AGBL4: variants seen among roughly 807,000 people sequenced by gnomAD.
AGBL4 encodes AGBL carboxypeptidase 4.
A neutral mutation model predicts 66.4 loss-of-function variants in AGBL4; 58 were observed. The observed-to-expected ratio is 0.87, with a 90% CI of 0.71 to 1.09. The LOEUF (loss-of-function observed/expected upper bound fraction) is 1.09. AGBL4 is among the 50% of genes least tolerant of loss of function. The pLI is 0.00. For missense variants in AGBL4, 579 were observed against 631.0 expected, an observed-to-expected ratio of 0.92 and a Z score of 0.88; for synonymous variants, 234 against 222.9, an observed-to-expected ratio of 1.05 and a Z score of -0.44.
At chr1:48,757,633 C>T (rs1644010258) in intron 6 of AGBL4, among the ~76,000 whole-genome samples, 1 of 152,144 alleles carries the variant, frequency 6.6e-6, no homozygotes, top group African/African-American at 2.4e-5. Flanking sequence ...CTTCTTGGAC[C>T]ACCCAAAGAT....
At chr1:49,016,014 C>T (rs1308685186) in intron 5 of AGBL4, among the ~76,000 whole-genome samples, 1 of 152,104 alleles carries the variant, frequency 6.6e-6, no homozygotes, top group Non-Finnish European at 1.5e-5. Context: ...ATATAGACAC[C>T]ACCACCCACT....
intron 1 of AGBL4, among the ~76,000 whole-genome samples, chr1:49,953,344 G>C (rs183217596): frequency 2.0e-5 from 3 of 151,864 alleles, no homozygotes. Flanking sequence ...ATCTGGTTAG[G>C]TACACTTCTT....
At chr1:48,603,975 A>AC (rs1357658741) in intron 9 of AGBL4, among the ~76,000 whole-genome samples, 1 of 151,952 alleles carries the variant, frequency 6.6e-6, no homozygotes, top group Non-Finnish European at 1.5e-5. Flanking sequence ...AACAACAACA[A>AC]AAACCAAAAA....
rs184462760 is a variant in AGBL4, at chr1:49,090,747, C to T, written c.378-44947G>A. On this transcript the variant is annotated intron_variant, in intron 4 of 13. Transcript: ENST00000371839. ...ATTAGAAAAAAACTATTTTAAAATT[C>T]ATGTAGAGTCAAAAAAGAGCTCAAA... is the stretch of plus-strand genomic sequence containing the variant. Among the ~76,000 whole-genome samples the T allele has an allele frequency of 1.2e-4, 18 of 152,184 alleles. No individual in the cohort carries two copies. In the East Asian group the frequency reaches 2.7e-3, roughly 23 times the overall value.
rs192996975 is a variant in AGBL4 at position 48,982,935 on chromosome 1, C to A, written c.594+62649G>T. Among the ~76,000 whole-genome samples, 441 of 152,228 alleles carry A rather than the reference C, an allele frequency of 2.9e-3. 2 individuals are homozygous for A. Among genetic ancestry groups the A allele is most frequent in the African/African-American group, 0.01 (418 of 41,550 alleles). The stretch of plus-strand genomic sequence containing the variant: ...GGTATCTCATTGTGGTTTTGATTTG[C>A]ATTTCTCTGATGGTGCCAACTAAGG... On this transcript the variant is annotated intron_variant, in intron 5 of 13. Transcript: ENST00000371839.
chr1:49,948,225 T>A (rs1489762614), intron 1 of AGBL4, among the ~76,000 whole-genome samples: 6 of 100,038 alleles, frequency 6.0e-5, no homozygotes, highest in Non-Finnish European at 8.6e-5. Flanking sequence ...TATATATAAA[T>A]ATATATAAAT....
chr1:48,729,088 G>A (rs1647675923), intron 6 of AGBL4, among the ~76,000 whole-genome samples: 1 of 152,078 alleles, frequency 6.6e-6, no homozygotes, highest in South Asian at 2.1e-4. Context: ...TCATAAATAA[G>A]GATAACAAAC....
intron 3 of AGBL4, among the ~76,000 whole-genome samples, chr1:49,383,460 T>C (rs1301795741): frequency 1.3e-5 from 2 of 151,900 alleles, no homozygotes; most frequent in African/African-American, 4.8e-5. Context: ...TTTAGAAAAA[T>C]GGGACAGGAT....
intron 6 of AGBL4, among the ~76,000 whole-genome samples, chr1:48,724,509 T>C (rs1437184323): frequency 2.0e-5 from 3 of 152,144 alleles, no homozygotes; most frequent in South Asian, 2.1e-4. Flanking sequence ...TTAGAATTGA[T>C]AGTTATGAAT....
chr1:49,883,514 C>A (rs1031935468), intron 1 of AGBL4, among the ~76,000 whole-genome samples: 1 of 152,054 alleles, frequency 6.6e-6, no homozygotes, highest in Admixed American at 6.6e-5. Flanking sequence ...AGAGTCTAAT[C>A]TCTTTTTATC....
At chr1:49,325,844 C>A (rs144650345) in intron 3 of AGBL4, among the ~76,000 whole-genome samples, 267 of 152,212 alleles carry the variant, frequency 1.8e-3, no homozygotes, top group Admixed American at 3.6e-3. Context: ...CTCATTAGAT[C>A]CGATCATTTA....
chr1:49,551,381 A>T (rs1320960544), intron 3 of AGBL4, among the ~76,000 whole-genome samples: 1 of 152,142 alleles, frequency 6.6e-6, no homozygotes, highest in Admixed American at 6.6e-5. Flanking sequence ...TTGTTTTGTC[A>T]TATTACCAGA....
At chr1:49,059,863 G>T (rs1363846976) in intron 4 of AGBL4, among the ~76,000 whole-genome samples, 2 of 152,156 alleles carry the variant, frequency 1.3e-5, no homozygotes, top group African/African-American at 4.8e-5. Flanking sequence ...CTCCCATTTG[G>T]AAGGGGTATA....
intron 6 of AGBL4, among the ~76,000 whole-genome samples, chr1:48,750,624 T>A (rs1192179698): frequency 6.6e-6 from 1 of 152,178 alleles, no homozygotes; most frequent in Non-Finnish European, 1.5e-5. Flanking sequence ...ACAATTTGAT[T>A]TCTCCGTGCC....
intron 5 of AGBL4, among the ~76,000 whole-genome samples, chr1:48,975,547 T>C (rs1659256307): frequency 6.6e-6 from 1 of 152,080 alleles, no homozygotes; most frequent in African/African-American, 2.4e-5. Context: ...CCGATAAAGA[T>C]GAAACATCTG....
intron 3 of AGBL4, among the ~76,000 whole-genome samples, chr1:49,341,776 GC>G (rs755522984): frequency 5.3e-5 from 8 of 152,144 alleles, no homozygotes; most frequent in Admixed American, 3.3e-4. Flanking sequence ...CTGACAAGAA[GC>G]CACCTGAACT....
chr1:48,597,865 AAGG>A (rs540726191), intron 9 of AGBL4, among the ~76,000 whole-genome samples: 426 of 150,784 alleles, frequency 2.8e-3, no homozygotes, highest in Admixed American at 5.3e-3. Context: ...AAAGAAAAGA[AAGG>A]AGAAAGAAAG....
intron 8 of AGBL4, among the ~76,000 whole-genome samples, chr1:48,635,229 A>G (rs991879234): frequency 1.3e-5 from 2 of 152,170 alleles, no homozygotes; most frequent in African/African-American, 4.8e-5. Flanking sequence ...CTCCAGTTAC[A>G]TAGGTTTATG....
chr1:49,273,649 A>G (rs1438539797), intron 3 of AGBL4, among the ~76,000 whole-genome samples: 1 of 151,590 alleles, frequency 6.6e-6, no homozygotes, highest in South Asian at 2.1e-4. Flanking sequence ...ATACAATATT[A>G]AAAAGATTTT....
Sources: allele counts gnomAD v4.1 joint callset (sites outside exome capture counted in the v4.1 genomes callset), GRCh38; gene constraint gnomAD v4.1.1; transcripts MANE v1.5; gene names NCBI Gene and HGNC (gene_info 2026-07-23, HGNC 2026-07-21).